EGLN1: variants seen among roughly 807,000 people sequenced by gnomAD.
The protein encoded by EGLN1 is egl nine homolog 1.
In EGLN1, 17 loss-of-function variants were observed where a neutral mutation model predicts 38.3. That is an observed-to-expected ratio of 0.44 (90% confidence interval 0.30 to 0.67). The LOEUF (loss-of-function observed/expected upper bound fraction) is 0.67. EGLN1 is among the 30% of genes least tolerant of loss of function. The probability of loss-of-function intolerance (pLI) is 0.08; values close to 1 mark genes in which losing one functional copy is unlikely to be tolerated. For missense variants in EGLN1, 477 were observed against 603.3 expected (o/e 0.79, Z 2.19); for synonymous variants, 283 against 257.5 (o/e 1.10, Z -0.95).
At chr1:231,375,490 C>T (rs186040204) in intron 1 of EGLN1, among the ~76,000 whole-genome samples, 2 of 152,350 alleles carry the variant, frequency 1.3e-5, no homozygotes, top group Admixed American at 1.3e-4. Flanking sequence ...TTAAAACTCA[C>T]TTCCCATCCC....
chr1:231,369,513 ACAT>A (rs754682861), intron 3 of EGLN1: 1,177 of 954,750 alleles, frequency 1.2e-3, no homozygotes, highest in Non-Finnish European at 1.4e-3. Flanking sequence ...TGAAAAGGGC[ACAT>A]CATGTGATGT....
chr1:231,396,355 G>T (rs1165671563), intron 1 of EGLN1, among the ~76,000 whole-genome samples: 1 of 151,652 alleles, frequency 6.6e-6, no homozygotes, highest in African/African-American at 2.4e-5. Context: ...CTAGGTTCAA[G>T]CGATTCTCCT....
At chr1:231,370,013 C>T (rs1037670698) in intron 3 of EGLN1, among the ~76,000 whole-genome samples, 1 of 152,088 alleles carries the variant, frequency 6.6e-6, no homozygotes, top group Non-Finnish European at 1.5e-5. Context: ...TATAATGAAA[C>T]AGATGCTCAT....
intron 2 of EGLN1, among the ~76,000 whole-genome samples, chr1:231,371,568 G>A (rs965454722): frequency 6.6e-6 from 1 of 152,058 alleles, no homozygotes; most frequent in Non-Finnish European, 1.5e-5. Flanking sequence ...TCCAGACTGG[G>A]CCTGATGCAC....
At chr1:231,390,931 T>G (rs1463167090) in intron 1 of EGLN1, among the ~76,000 whole-genome samples, 1 of 151,848 alleles carries the variant, frequency 6.6e-6, no homozygotes, top group African/African-American at 2.4e-5. Flanking sequence ...CACCGCAACG[T>G]CAAACTCCTG....
intron 1 of EGLN1, among the ~76,000 whole-genome samples, chr1:231,398,048 T>G (rs1302758178): frequency 6.6e-6 from 1 of 152,212 alleles, no homozygotes; most frequent in Non-Finnish European, 1.5e-5. Context: ...GAACTACTAT[T>G]CAGGGCAAAT....
chr1:231,421,507 G>A lies in EGLN1; in HGVS notation c.382C>T (p.Arg128Cys), dbSNP rs756094298. The A allele has an allele frequency of 5.6e-5, 74 of 1,318,580 alleles. No individual in the cohort carries two copies. The highest frequency in any genetic ancestry group is 7.1e-5 in the Non-Finnish European group (73 of 1,035,374). 81.7% of individuals were successfully genotyped at this position (1,318,580 alleles called of 1,614,324 possible). ...GAGCCCTGGCCGCCGGCGGCCGCAC[G>A]ACACGGCGACGCGGCCGCCGCTGGG... is the stretch of plus-strand genomic sequence containing the variant. ...ADPAAAASPCRAAAGGQGSAV... is the reference protein window; with the variant it reads ...ADPAAAASPCCAAAGGQGSAV... Residue 128 changes from arginine (R) to cysteine (C), a missense_variant, in exon 1 of 5, where the codon CGT becomes TGT. Physicochemically the swap from Arg to Cys is radical, Grantham distance 180 (BLOSUM62 -3). Transcript: ENST00000366641. This position sits in a 1 kb window ranked among gnomAD's most constrained non-coding sequence, Gnocchi z 5.5.
At chr1:231,418,820 C>T (rs1463403385) in intron 1 of EGLN1, among the ~76,000 whole-genome samples, 2 of 151,146 alleles carry the variant, frequency 1.3e-5, no homozygotes, top group Non-Finnish European at 2.9e-5. Context: ...CATGCTTACA[C>T]CCTTGTACTC....
chr1:231,417,691 A>G, intron 1 of EGLN1, among the ~76,000 whole-genome samples: 1 of 152,348 alleles, frequency 6.6e-6, no homozygotes, highest in South Asian at 2.1e-4. Context: ...GGCTACAATT[A>G]CATTTCTGTT....
At chr1:231,370,420 T>C in intron 3 of EGLN1, 142 bp downstream of exon 3, 2 of 889,604 alleles carry the variant, frequency 2.2e-6, no homozygotes, top group South Asian at 1.4e-5. Context: ...GCAACATAAA[T>C]CTTATACAAT....
At chr1:231,373,455 GCT>G (rs1179401850) in intron 2 of EGLN1, among the ~76,000 whole-genome samples, 1 of 152,116 alleles carries the variant, frequency 6.6e-6, no homozygotes, top group Non-Finnish European at 1.5e-5. Context: ...TTAGATAAGT[GCT>G]CTAACATCTG....
chr1:231,401,973 T>G (rs1217800468), intron 1 of EGLN1, among the ~76,000 whole-genome samples: 2 of 152,156 alleles, frequency 1.3e-5, no homozygotes, highest in African/African-American at 4.8e-5. Flanking sequence ...TTGCCAAAAC[T>G]TGGTATCATC....
chr1:231,405,834 G>A (rs1035617327), intron 1 of EGLN1, among the ~76,000 whole-genome samples: 5 of 151,898 alleles, frequency 3.3e-5, no homozygotes, highest in Admixed American at 6.6e-5. Context: ...TTGTCAATAC[G>A]AACAAATTAT....
Position 231,364,006 on chromosome 1 carries a change from A to C in EGLN1, c.*2405T>G, listed in dbSNP as rs112836324. On this transcript the variant is annotated 3_prime_UTR_variant, in exon 5 of 5. Transcript: ENST00000366641. ...ACATATAGGCCACAAACAGTTTTAAATTTTGTTTGAAATAGAGTCCTGCTT... is the reference window on the plus strand; with the variant it reads ...ACATATAGGCCACAAACAGTTTTAACTTTTGTTTGAAATAGAGTCCTGCTT... 1 of 152,176 alleles carries C rather than the reference A, an allele frequency of 6.6e-6. No individual in the cohort carries two copies. The highest frequency in any genetic ancestry group is 1.5e-5 in the Non-Finnish European group (1 of 68,022). The allele number at this position is 152,176 out of a possible 1,614,324, so 9.4% of individuals were successfully genotyped here. A position where few individuals can be genotyped will look rare whatever the true frequency, so the allele number is the denominator to read the frequency against.
intron 1 of EGLN1, among the ~76,000 whole-genome samples, chr1:231,408,861 C>T (rs576462): frequency 0.73 from 110,569 of 151,844 alleles, 40,525 homozygotes; most frequent in Middle Eastern, 0.79. Flanking sequence ...ACTTTCCAAA[C>T]GAAAGAAATG....
At chr1:231,368,181 C>A (rs1687709495) in intron 3 of EGLN1, among the ~76,000 whole-genome samples, 1 of 151,824 alleles carries the variant, frequency 6.6e-6, no homozygotes, top group African/African-American at 2.4e-5. Flanking sequence ...ACAGAGTGAG[C>A]CTCCCTCTAA....
rs185461972 is a variant in EGLN1, at chr1:231,383,500, G to A, written c.892-9401C>T. On this transcript the variant is annotated intron_variant, in intron 1 of 4. Coordinates refer to ENST00000366641, the MANE Select transcript of EGLN1 (RefSeq NM_022051.3). Reference sequence around the variant, plus strand: ...TCAGAAAAGACTTTATAGAGAAAGTGACAAACGTGCAGAATTTTGAAAGAC... The same window carrying A: ...TCAGAAAAGACTTTATAGAGAAAGTAACAAACGTGCAGAATTTTGAAAGAC... Among the ~76,000 whole-genome samples, 136 of 152,310 alleles carry A rather than the reference G, an allele frequency of 8.9e-4. 2 individuals carry two copies. In the East Asian group the frequency reaches 0.023, roughly 25 times the overall value.
rs775821997 is a variant in EGLN1, at chr1:231,367,629, T to C, written c.1156A>G (p.Ile386Val). Residue 386 changes from isoleucine to valine, a missense_variant, in exon 4 of 5, where the codon ATA (isoleucine) becomes GTA (valine). Ile to Val is a conservative substitution (Grantham distance 29). This residue lies in a region of EGLN1 where 59 missense variants were observed against 119.0 expected (regional missense o/e 0.50). Coordinates refer to ENST00000366641, the MANE Select transcript of EGLN1 (RefSeq NM_022051.3). ...VQPAYATRYA[I>V]TVWYFDADER... ...TCTGCATCAAAATACCAAACAGTTATTGCGTACCTAAAAGAAAATTTAGAA... is the reference window on the plus strand; with the variant it reads ...TCTGCATCAAAATACCAAACAGTTACTGCGTACCTAAAAGAAAATTTAGAA... 3 of 1,613,914 alleles carry C rather than the reference T, an allele frequency of 1.9e-6. No homozygotes were observed. The highest frequency in any genetic ancestry group is 1.7e-5 in the Admixed American group (1 of 60,026).
At chr1:231,419,355 G>A (rs1344119405) in intron 1 of EGLN1, among the ~76,000 whole-genome samples, 1 of 152,188 alleles carries the variant, frequency 6.6e-6, no homozygotes, top group Non-Finnish European at 1.5e-5. Context: ...GAGAAAAGAG[G>A]TCTCAGCTTA....
Sources: gnomAD v4.1 joint callset for allele counts (sites outside exome capture counted in the v4.1 genomes callset) on GRCh38, gnomAD v4.1.1 for gene constraint, gnomAD v4.1.1 regional missense constraint, Gnocchi (gnomAD v3.1) non-coding constraint, MANE v1.5 for transcripts, NCBI Gene and HGNC (gene_info 2026-07-23, HGNC 2026-07-21) for gene names.